The following UBXN7 variants were observed in gnomAD, a reference collection of about 807,000 sequenced individuals.
UBXN7 encodes UBX domain protein 7.
UBXN7 carries 9 observed loss-of-function variants against 58.0 expected under a neutral mutation model. That is an observed-to-expected ratio of 0.16 (90% CI 0.09 to 0.27). The LOEUF (loss-of-function observed/expected upper bound fraction) is 0.27. Ranked by LOEUF, UBXN7 falls within the 10% of genes least tolerant of loss-of-function variation. The probability of loss-of-function intolerance (pLI) is 1.00; values close to 1 mark genes in which losing one functional copy is unlikely to be tolerated. For synonymous variants in UBXN7, 208 were observed against 205.0 expected (o/e 1.01, Z -0.12); for missense variants, 328 against 599.6 (o/e 0.55, Z 4.73).
chr3:196,373,072 A>G (rs1221601856), intron 5 of UBXN7, among the ~76,000 whole-genome samples: 4 of 152,178 alleles, frequency 2.6e-5, no homozygotes, highest in Non-Finnish European at 5.9e-5. Flanking sequence ...TTTTTAATGA[A>G]TGCAATTGGT....
chr3:196,370,857 CAAAA>C (rs11347018), intron 6 of UBXN7, among the ~76,000 whole-genome samples: 1 of 86,336 alleles, frequency 1.2e-5, no homozygotes. Flanking sequence ...CCCATCTCTA[CAAAA>C]AAAAAAAAAA....
intron 1 of UBXN7, among the ~76,000 whole-genome samples, chr3:196,420,589 T>C (rs1036256386): frequency 4.6e-5 from 7 of 152,066 alleles, no homozygotes; most frequent in African/African-American, 1.7e-4. Flanking sequence ...GCTCCGATAT[T>C]GTAGGCAGCA....
intron 1 of UBXN7, among the ~76,000 whole-genome samples, chr3:196,430,530 T>C (rs1442956741): frequency 1.3e-5 from 2 of 151,924 alleles, no homozygotes; most frequent in Non-Finnish European, 2.9e-5. Flanking sequence ...TGGGACTACA[T>C]GTCGGTGCCA....
rs1251015847 is a variant in UBXN7 at position 196,356,267 on chromosome 3, A to C, written c.*418T>G. The C allele has an allele frequency of 6.5e-6, 1 of 153,748 alleles. No individual in the cohort carries two copies. The highest frequency in any genetic ancestry group is 1.4e-5 in the Non-Finnish European group (1 of 68,968). The allele number at this position is 153,748 out of a possible 1,614,324, so 9.5% of individuals were successfully genotyped here. A position where few individuals can be genotyped will look rare whatever the true frequency, so the allele number is the denominator to read the frequency against. On this transcript the variant is annotated 3_prime_UTR_variant, in exon 11 of 11. Transcript: ENST00000296328. ...TTACAAAAAAGGGAGGGTTGTTCTTACTCTGAATCTAGCCATTCCTTTGCC... is the reference window on the plus strand; with the variant it reads ...TTACAAAAAAGGGAGGGTTGTTCTTCCTCTGAATCTAGCCATTCCTTTGCC...
chr3:196,427,849 G>A (rs151052591), intron 1 of UBXN7, among the ~76,000 whole-genome samples: 17 of 152,292 alleles, frequency 1.1e-4, no homozygotes, highest in African/African-American at 1.9e-4. Flanking sequence ...CAGTGGGGCC[G>A]GTTGCAGTGG....
At chr3:196,360,512 C>A (rs900968904) in intron 10 of UBXN7, among the ~76,000 whole-genome samples, 2 of 152,186 alleles carry the variant, frequency 1.3e-5, no homozygotes, top group African/African-American at 4.8e-5. Context: ...GGAAAGACAG[C>A]ACATCAATTT....
chr3:196,423,754 T>C (rs1730759794), intron 1 of UBXN7, among the ~76,000 whole-genome samples: 1 of 152,192 alleles, frequency 6.6e-6, no homozygotes, highest in African/African-American at 2.4e-5. Flanking sequence ...AAGTCCTGCA[T>C]GGATGTGAAT....
intron 5 of UBXN7, among the ~76,000 whole-genome samples, chr3:196,389,402 G>A (rs1047434494): frequency 2.5e-4 from 38 of 152,280 alleles, no homozygotes; most frequent in Middle Eastern, 3.4e-3. Context: ...CATCATTTGG[G>A]TTTTCTGTTA....
At chr3:196,374,687 C>T in intron 5 of UBXN7, among the ~76,000 whole-genome samples, 1 of 150,288 alleles carries the variant, frequency 6.7e-6, no homozygotes. Flanking sequence ...TCAAGACCAG[C>T]CTGGTCAACA....
intron 1 of UBXN7, among the ~76,000 whole-genome samples, chr3:196,410,079 A>T (rs1730278877): frequency 6.6e-6 from 1 of 151,502 alleles, no homozygotes. Flanking sequence ...GGCTGGGATT[A>T]CAGGCGCCTG....
chr3:196,349,004 CAACA>C lies in UBXN7; in HGVS notation c.*7677_*7680del, dbSNP rs1728151809. The C allele has an allele frequency of 6.6e-6, 1 of 152,088 alleles. No individual in the cohort carries two copies. Among genetic ancestry groups the C allele is most frequent in the South Asian group, 2.1e-4 (1 of 4,828 alleles). 9.4% of individuals were successfully genotyped at this position (152,088 alleles called of 1,614,324 possible). Reference sequence around the variant, plus strand: ...GTTTAGAATTTGTTAACAACAACAACAACAAAAAACCATTCTGGAAAAAAAGATT... The same window carrying C: ...GTTTAGAATTTGTTAACAACAACAACAAAAACCATTCTGGAAAAAAAGATT... On this transcript the variant is annotated 3_prime_UTR_variant, in exon 11 of 11. Coordinates refer to ENST00000296328, the MANE Select transcript of UBXN7 (RefSeq NM_015562.2).
At chr3:196,398,096 C>T (rs145324296) in intron 3 of UBXN7, among the ~76,000 whole-genome samples, 1 of 152,288 alleles carries the variant, frequency 6.6e-6, no homozygotes, top group Non-Finnish European at 1.5e-5. Flanking sequence ...CAGTGGCTTC[C>T]GTTTTGGGCT....
rs1301482945 is a variant in UBXN7 at position 196,352,147 on chromosome 3, C to T, written c.*4538G>A. 6.6e-6 allele frequency: 1 copy of T among 152,200 alleles called. No homozygotes were observed. The highest frequency in any genetic ancestry group is 1.9e-4 in the East Asian group (1 of 5,198). The allele number at this position is 152,200 out of a possible 1,614,324, so 9.4% of individuals were successfully genotyped here. A position where few individuals can be genotyped will look rare whatever the true frequency, so the allele number is the denominator to read the frequency against. The stretch of plus-strand genomic sequence containing the variant: ...CTTTGCTAACTAAAACATATTCTTC[C>T]CTTTTTCTAAGTTTGAACTAATAGG... On this transcript the variant is annotated 3_prime_UTR_variant, in exon 11 of 11. Coordinates refer to ENST00000296328, the MANE Select transcript of UBXN7 (RefSeq NM_015562.2). This position sits in a 1 kb window ranked among gnomAD's most constrained non-coding sequence, Gnocchi z 4.1.
intron 5 of UBXN7, among the ~76,000 whole-genome samples, chr3:196,381,160 C>T (rs566947144): frequency 2.0e-5 from 3 of 152,346 alleles, no homozygotes; most frequent in South Asian, 2.1e-4. Flanking sequence ...GCTCTGAGAA[C>T]GGACAGATGG....
Position 196,365,098 on chromosome 3 carries a change from C to A in UBXN7, c.835-2411G>T, listed in dbSNP as rs78423694. Among the ~76,000 whole-genome samples, 38 of 151,908 alleles carry A rather than the reference C, an allele frequency of 2.5e-4. No homozygotes were observed. The South Asian group carries it at 7.1e-3, about 28-fold the overall frequency. ...TATAACCCTATTTAAGTTTATAAAA[C>A]GTGTTCAACTAAAAAATTCATTTTA... On this transcript the variant is annotated intron_variant, in intron 8 of 10. Coordinates refer to ENST00000296328, the MANE Select transcript of UBXN7 (RefSeq NM_015562.2).
In UBXN7 at chr3:196,366,719, G is replaced by A. The variant is rs76903867; in HGVS notation, c.834+1309C>T. ...GCCTAGACAACATACGGAGGCCTCC[G>A]TCTCTACAAAACTTTAACAGCTTAG... is the stretch of plus-strand genomic sequence containing the variant. On this transcript the variant is annotated intron_variant, in intron 8 of 10. Coordinates refer to ENST00000296328, the MANE Select transcript of UBXN7 (RefSeq NM_015562.2). Among the ~76,000 whole-genome samples the A allele has an allele frequency of 4.2e-3, 637 of 151,984 alleles. 5 individuals carry two copies. Among genetic ancestry groups the A allele is most frequent in the African/African-American group, 0.014 (586 of 41,448 alleles).
intron 3 of UBXN7, 142 bp from the exon 4 acceptor site, chr3:196,393,761 G>A (rs753931868): frequency 1.5e-5 from 10 of 676,916 alleles, no homozygotes; most frequent in East Asian, 6.1e-5. Flanking sequence ...CAGGGGCCGT[G>A]CTAATCTCTG....
chr3:196,397,580 T>C (rs990931218), intron 3 of UBXN7: 3 of 152,292 alleles, frequency 2.0e-5, no homozygotes, highest in Admixed American at 1.3e-4. Context: ...CCACTACTGA[T>C]CTGCACCTGC....
chr3:196,386,615 G>A (rs879998706), intron 5 of UBXN7, among the ~76,000 whole-genome samples: 1 of 152,232 alleles, frequency 6.6e-6, no homozygotes, highest in South Asian at 2.1e-4. Context: ...ATTCACAATT[G>A]CTACAAAGAG....
Sources: gnomAD v4.1 joint callset for allele counts (sites outside exome capture counted in the v4.1 genomes callset) on GRCh38, gnomAD v4.1.1 for gene constraint, Gnocchi (gnomAD v3.1) non-coding constraint, MANE v1.5 for transcripts, NCBI Gene and HGNC (gene_info 2026-07-23, HGNC 2026-07-21) for gene names.